CYB5R4: variants seen among roughly 807,000 people sequenced by gnomAD.
The protein encoded by CYB5R4 is cytochrome b5 reductase 4, also known as N-terminal cytochrome b5 and cytochrome b5 oxidoreductase domain-containing protein.
Under a neutral mutation model 70.2 loss-of-function variants are expected in CYB5R4, and 55 were observed. The observed-to-expected ratio is 0.78, with a 90% CI of 0.63 to 0.98. The LOEUF (loss-of-function observed/expected upper bound fraction) is 0.98, where lower values mean the gene tolerates loss of function less well. CYB5R4 is among the 50% of genes least tolerant of loss of function. CYB5R4 has a pLI of 0.00. For synonymous variants in CYB5R4, 197 were observed against 199.5 expected (o/e 0.99, Z 0.11); for missense variants, 562 against 612.6 (o/e 0.92, Z 0.87).
chr6:83,936,814 C>T (rs1010484629), intron 12 of CYB5R4, among the ~76,000 whole-genome samples: 1 of 152,168 alleles, frequency 6.6e-6, no homozygotes, highest in Non-Finnish European at 1.5e-5. Flanking sequence ...TACTGCATGA[C>T]CTACAAAGAC....
intron 2 of CYB5R4, among the ~76,000 whole-genome samples, chr6:83,885,515 C>T (rs2099460113): frequency 6.6e-6 from 1 of 152,154 alleles, no homozygotes; most frequent in South Asian, 2.1e-4. Flanking sequence ...CGTTATGGTT[C>T]ACATGTATGG....
At position 83,959,917 on chromosome 6, in the gene CYB5R4, T is replaced by C; in HGVS notation, c.*39T>C. On this transcript the variant is annotated 3_prime_UTR_variant, in exon 16 of 16. Transcript: ENST00000369681. ...TTGTCCTTTATTCAACTAGTTTATC[T>C]AAATTTGTGATTGCTTAGGGTTTTT... 6.7e-7 allele frequency: 1 copy of C among 1,498,722 alleles called. No homozygotes were observed. The highest frequency in any genetic ancestry group is 9.0e-7 in the Non-Finnish European group (1 of 1,107,604). 92.8% of individuals were successfully genotyped at this position (1,498,722 alleles called of 1,614,324 possible). A position where few individuals can be genotyped will look rare whatever the true frequency, so the allele number is the denominator to read the frequency against.
chr6:83,925,287 C>G (rs1048831797), intron 10 of CYB5R4, among the ~76,000 whole-genome samples: 1 of 151,994 alleles, frequency 6.6e-6, no homozygotes, highest in Non-Finnish European at 1.5e-5. Flanking sequence ...AACTCTGTCA[C>G]GAGAACACCA....
At chr6:83,925,564 C>G (rs2099467146) in intron 10 of CYB5R4, among the ~76,000 whole-genome samples, 1 of 152,018 alleles carries the variant, frequency 6.6e-6, no homozygotes, top group African/African-American at 2.4e-5. Context: ...ATGAACATAT[C>G]CTGTATTTTC....
At chr6:83,890,619 TCTA>T (rs1257676206) in intron 2 of CYB5R4, among the ~76,000 whole-genome samples, 1 of 152,208 alleles carries the variant, frequency 6.6e-6, no homozygotes, top group African/African-American at 2.4e-5. Context: ...TGGAAGCAGT[TCTA>T]CTGTGAGTAA....
At chr6:83,959,752 G>A (rs1260854352) in intron 15 of CYB5R4, 72 bp from the exon 16 acceptor site, 9 of 1,295,792 alleles carry the variant, frequency 6.9e-6, no homozygotes, top group Non-Finnish European at 7.6e-6. Context: ...TGATTATGGT[G>A]GTAAACTGCT....
chr6:83,895,868 A>G (rs574201061), intron 3 of CYB5R4, among the ~76,000 whole-genome samples: 55 of 152,322 alleles, frequency 3.6e-4, no homozygotes, highest in African/African-American at 1.3e-3. Context: ...GCATTTTTCA[A>G]TATGAGAATT....
At chr6:83,949,813 A>G (rs1382523973) in intron 14 of CYB5R4, among the ~76,000 whole-genome samples, 2 of 152,354 alleles carry the variant, frequency 1.3e-5, no homozygotes, top group South Asian at 2.1e-4. Flanking sequence ...AAATTACTTT[A>G]TCTGGCTGAG....
intron 3 of CYB5R4, among the ~76,000 whole-genome samples, chr6:83,895,351 A>C (rs2099461703): frequency 1.3e-5 from 2 of 151,990 alleles, no homozygotes; most frequent in African/African-American, 4.8e-5. Context: ...TTTTTAGTAG[A>C]GATGGGGTTT....
At chr6:83,873,225 G>C (rs1239075391) in intron 2 of CYB5R4, among the ~76,000 whole-genome samples, 2 of 150,562 alleles carry the variant, frequency 1.3e-5, no homozygotes, top group East Asian at 3.9e-4. Flanking sequence ...GAATCATATA[G>C]GGTATCCTTC....
intron 5 of CYB5R4, among the ~76,000 whole-genome samples, chr6:83,915,445 G>A (rs1474604589): frequency 6.6e-6 from 1 of 152,170 alleles, no homozygotes; most frequent in Non-Finnish European, 1.5e-5. Context: ...TTAAATGAGG[G>A]ACTGATCTTT....
intron 2 of CYB5R4, among the ~76,000 whole-genome samples, chr6:83,880,038 T>A (rs1283082213): frequency 6.6e-6 from 1 of 152,220 alleles, no homozygotes; most frequent in Non-Finnish European, 1.5e-5. Context: ...ATGGATTGTC[T>A]GCCTTGTTGT....
chr6:83,937,162 C>T (rs2099469047), intron 12 of CYB5R4, among the ~76,000 whole-genome samples: 1 of 152,044 alleles, frequency 6.6e-6, no homozygotes, highest in South Asian at 2.1e-4. Context: ...GTAATCCCAG[C>T]TACTTGGGAG....
chr6:83,878,722 C>T (rs1209013441), intron 2 of CYB5R4, among the ~76,000 whole-genome samples: 1 of 147,810 alleles, frequency 6.8e-6, no homozygotes, highest in Admixed American at 6.8e-5. Flanking sequence ...TACACTCAGA[C>T]ATGTAGTACA....
chr6:83,937,989 C>T (rs1484863106), intron 12 of CYB5R4, among the ~76,000 whole-genome samples: 1 of 152,222 alleles, frequency 6.6e-6, no homozygotes, highest in Non-Finnish European at 1.5e-5. Context: ...ATTAGCAATA[C>T]ATTGGGATAC....
At chr6:83,953,398 G>A (rs1209333062) in intron 14 of CYB5R4, among the ~76,000 whole-genome samples, 3 of 151,222 alleles carry the variant, frequency 2.0e-5, no homozygotes, top group Non-Finnish European at 2.9e-5. Flanking sequence ...TTGATTCCTA[G>A]TTTTGTGAGA....
chr6:83,890,688 C>T (rs1454374754), intron 2 of CYB5R4, among the ~76,000 whole-genome samples: 1 of 152,124 alleles, frequency 6.6e-6, no homozygotes, highest in Non-Finnish European at 1.5e-5. Flanking sequence ...AAGGTCGAGT[C>T]AGTTGAAGGG....
chr6:83,888,415 C>T, intron 2 of CYB5R4, among the ~76,000 whole-genome samples: 1 of 152,170 alleles, frequency 6.6e-6, no homozygotes, highest in Admixed American at 6.5e-5. Flanking sequence ...TTCCCAAGAG[C>T]ATGTGCTCAC....
chr6:83,898,191 G>C (rs973752830), intron 3 of CYB5R4, among the ~76,000 whole-genome samples: 1 of 152,196 alleles, frequency 6.6e-6, no homozygotes, highest in Non-Finnish European at 1.5e-5. Context: ...TGGCTAGCCA[G>C]TTTTCCCAGC....
Sources: gnomAD v4.1 joint callset for allele counts (sites outside exome capture counted in the v4.1 genomes callset) on GRCh38, gnomAD v4.1.1 for gene constraint, MANE v1.5 for transcripts, NCBI Gene and HGNC (gene_info 2026-07-23, HGNC 2026-07-21) for gene names.